SLA: variants seen among roughly 807,000 people sequenced by gnomAD.
SLA encodes src-like-adapter.
SLA carries 16 observed loss-of-function variants against 30.3 expected under a neutral mutation model. The observed-to-expected ratio is 0.53, with a 90% CI of 0.36 to 0.80. The LOEUF (loss-of-function observed/expected upper bound fraction) is 0.80, where lower values mean the gene tolerates loss of function less well. Ranked by LOEUF, SLA falls within the 30% of genes least tolerant of loss-of-function variation. The pLI, the probability that SLA is intolerant of heterozygous loss-of-function variation, is 0.01. For synonymous variants in SLA, 143 were observed against 137.8 expected, an observed-to-expected ratio of 1.04 and a Z score of -0.26; for missense variants, 310 against 345.2, an observed-to-expected ratio of 0.90 and a Z score of 0.81.
At chr8:133,045,768 G>A (rs1009160934) in intron 6 of SLA, among the ~76,000 whole-genome samples, 3 of 152,098 alleles carry the variant, frequency 2.0e-5, no homozygotes, top group African/African-American at 7.2e-5. Flanking sequence ...AATGATTGTA[G>A]TTTGGTTGCA....
At chr8:133,065,289 A>G (rs1842892064) in intron 2 of SLA, among the ~76,000 whole-genome samples, 1 of 152,206 alleles carries the variant, frequency 6.6e-6, no homozygotes, top group South Asian at 2.1e-4. Flanking sequence ...TAGCTGAGAT[A>G]AATTAAGTGA....
chr8:133,079,413 C>A (rs1845408859), intron 1 of SLA, among the ~76,000 whole-genome samples: 2 of 152,164 alleles, frequency 1.3e-5, no homozygotes, highest in African/African-American at 4.8e-5. Flanking sequence ...GAAATGTTCC[C>A]CTATGTAAAA....
chr8:133,077,199 TA>T (rs1845023846), intron 1 of SLA, among the ~76,000 whole-genome samples: 1 of 152,160 alleles, frequency 6.6e-6, no homozygotes. Flanking sequence ...ACACAAGCTT[TA>T]AAAGTTTTTG....
At chr8:133,077,771 A>ATG (rs939200739) in intron 1 of SLA, among the ~76,000 whole-genome samples, 1 of 135,290 alleles carries the variant, frequency 7.4e-6, no homozygotes, top group African/African-American at 2.9e-5. Context: ...GTGTGTTTGT[A>ATG]TGTGTGTGTG....
At chr8:133,075,250 A>C in intron 1 of SLA, 120 bp from the exon 2 acceptor site, 1 of 445,184 alleles carries the variant, frequency 2.2e-6, no homozygotes, top group Non-Finnish European at 3.0e-6. Flanking sequence ...AGGCAAATCA[A>C]TGGGGCTGTG....
At chr8:133,096,054 G>A (rs1848362610) in intron 1 of SLA, 1 of 886,160 alleles carries the variant, frequency 1.1e-6, no homozygotes, top group Non-Finnish European at 1.8e-6. Flanking sequence ...TTGTCACATG[G>A]TGTCCTGCCT....
At chr8:133,085,611 A>C (rs1846407489) in intron 1 of SLA, among the ~76,000 whole-genome samples, 1 of 152,246 alleles carries the variant, frequency 6.6e-6, no homozygotes, top group Non-Finnish European at 1.5e-5. Context: ...AAAGATTCTT[A>C]ACACTATTAG....
intron 2 of SLA, among the ~76,000 whole-genome samples, chr8:133,067,916 A>AAG (rs1491304237): frequency 5.4e-5 from 5 of 91,854 alleles, no homozygotes; most frequent in South Asian, 2.9e-4. Context: ...GGAAGGAAGG[A>AAG]AAGAGAGAGA....
At chr8:133,094,955 C>T in intron 1 of SLA, 1 of 1,579,428 alleles carries the variant, frequency 6.3e-7, no homozygotes, top group Non-Finnish European at 8.7e-7. Context: ...AGGAAGGATG[C>T]AGAACCCTGA....
At chr8:133,073,224 A>G (rs1844345379) in intron 2 of SLA, 1 of 152,242 alleles carries the variant, frequency 6.6e-6, no homozygotes, top group Non-Finnish European at 1.5e-5. Context: ...CTATGTTGCC[A>G]TCTTGCTGCT....
intron 3 of SLA, among the ~76,000 whole-genome samples, chr8:133,058,591 C>T (rs564401382): frequency 7.6e-4 from 115 of 152,248 alleles, no homozygotes; most frequent in African/African-American, 2.4e-3. Context: ...CAGGGCCCTG[C>T]GGTGTCAGTT....
intron 2 of SLA, among the ~76,000 whole-genome samples, chr8:133,067,643 G>A (rs1843213939): frequency 2.0e-5 from 3 of 152,088 alleles, no homozygotes; most frequent in Admixed American, 2.0e-4. Context: ...GGGTGTGGTG[G>A]CAGCTTCCTG....
At chr8:133,070,081 G>A (rs188287221) in intron 2 of SLA, among the ~76,000 whole-genome samples, 28 of 151,892 alleles carry the variant, frequency 1.8e-4, no homozygotes, top group Admixed American at 1.1e-3. Flanking sequence ...AAACAATGTG[G>A]GCCTAGGAGA....
intron 1 of SLA, among the ~76,000 whole-genome samples, chr8:133,086,290 T>C (rs1218711266): frequency 2.0e-5 from 3 of 152,218 alleles, no homozygotes; most frequent in Non-Finnish European, 4.4e-5. Flanking sequence ...TGGTGATGAT[T>C]GCACAACTCT....
At chr8:133,078,871 C>A (rs988653852) in intron 1 of SLA, among the ~76,000 whole-genome samples, 1 of 152,206 alleles carries the variant, frequency 6.6e-6, no homozygotes, top group African/African-American at 2.4e-5. Context: ...TCCCTCCCTG[C>A]CCTCAAGGAG....
chr8:133,049,585 C>A (rs1840045143), intron 5 of SLA: 1 of 347,456 alleles, frequency 2.9e-6, no homozygotes, highest in African/African-American at 2.1e-5. Context: ...GACACACTGA[C>A]TTCTAGTCTC....
chr8:133,061,944 A>G (rs1842425232), intron 2 of SLA, among the ~76,000 whole-genome samples: 2 of 152,240 alleles, frequency 1.3e-5, no homozygotes, highest in Admixed American at 1.3e-4. Flanking sequence ...AGAGTTGTTT[A>G]AAAGTCCGTA....
At chr8:133,074,031 A>G (rs1261358121) in intron 2 of SLA, among the ~76,000 whole-genome samples, 1 of 152,180 alleles carries the variant, frequency 6.6e-6, no homozygotes, top group Non-Finnish European at 1.5e-5. Context: ...TTCTGAGGCC[A>G]AAGCTCAGGT....
intron 1 of SLA, among the ~76,000 whole-genome samples, chr8:133,093,818 C>A (rs569363854): frequency 1.3e-5 from 2 of 152,212 alleles, no homozygotes; most frequent in Non-Finnish European, 2.9e-5. Flanking sequence ...GGTCAGATCC[C>A]AGCCCTGCCT....
Sources: allele counts gnomAD v4.1 joint callset (sites outside exome capture counted in the v4.1 genomes callset), GRCh38; gene constraint gnomAD v4.1.1; transcripts MANE v1.5; gene names NCBI Gene and HGNC (gene_info 2026-07-23, HGNC 2026-07-21).